The following CSMD1 variants were observed in gnomAD, a reference collection of about 807,000 sequenced individuals.
CSMD1 encodes the protein CUB and sushi domain-containing protein 1.
A neutral mutation model predicts 417.5 loss-of-function variants in CSMD1; 213 were observed. The ratio of observed to expected loss-of-function variants is 0.51; its 90% CI spans 0.46 to 0.57. The LOEUF (loss-of-function observed/expected upper bound fraction) is 0.57, where lower values mean the gene tolerates loss of function less well. Among genes scored for constraint, CSMD1 ranks in the 20% least tolerant of loss-of-function variants. The pLI is 0.00. For missense variants in CSMD1, 6,923 were observed against 4,529.7 expected (o/e 1.53, Z -15.17); for synonymous variants, 2,862 against 1,736.8 (o/e 1.65, Z -16.11).
At chr8:3,511,070 G>C (rs995731394) in intron 10 of CSMD1, among the ~76,000 whole-genome samples, 2 of 151,848 alleles carry the variant, frequency 1.3e-5, no homozygotes, top group African/African-American at 4.9e-5. Context: ...ATGACTTGAT[G>C]TCCTTTGCAG....
At chr8:4,490,076 CT>C in intron 2 of CSMD1, among the ~76,000 whole-genome samples, 1 of 140,886 alleles carries the variant, frequency 7.1e-6, no homozygotes, top group Admixed American at 7.4e-5. Flanking sequence ...GAGTCTTGCT[CT>C]GTCACCAGGC....
chr8:3,820,974 T>C (rs1010961521), intron 5 of CSMD1, among the ~76,000 whole-genome samples: 1 of 152,082 alleles, frequency 6.6e-6, no homozygotes, highest in Non-Finnish European at 1.5e-5. Context: ...TGGAGTGCAA[T>C]GGTGCAAACT....
rs1563111568 is a variant in CSMD1 at position 3,175,486 on chromosome 8, T to TGCCG, written c.5725+5623_5725+5624insCGGC. ...TCCTTCCTTCTTTTCCCTTCCTTCC[T>TGCCG]GCCTGCCTGCCTGCCTGCCTGCCTT... On this transcript the variant is annotated intron_variant, in intron 37 of 69. Transcript: ENST00000635120. 2.1e-4 allele frequency among the ~76,000 whole-genome samples: 19 copies of TGCCG among 91,350 alleles called. No individual in the cohort carries two copies. In the East Asian group the frequency reaches 7.9e-3, roughly 38 times the overall value. The allele number at this position is 91,350 out of a possible 152,430, so 59.9% of individuals were successfully genotyped here.
chr8:4,259,456 T>C (rs1383989270), intron 3 of CSMD1, among the ~76,000 whole-genome samples: 3 of 152,180 alleles, frequency 2.0e-5, no homozygotes, highest in Non-Finnish European at 4.4e-5. Context: ...GAAAATGCCT[T>C]AAGCTTTAGG....
intron 50 of CSMD1, among the ~76,000 whole-genome samples, chr8:3,039,194 T>A (rs1057237494): frequency 6.6e-6 from 1 of 150,828 alleles, no homozygotes; most frequent in Non-Finnish European, 1.5e-5. Flanking sequence ...TCCTGCAGAG[T>A]GAAGGGTCCT....
chr8:4,885,519 T>G (rs923511543), intron 1 of CSMD1, among the ~76,000 whole-genome samples: 8 of 152,056 alleles, frequency 5.3e-5, no homozygotes, highest in Admixed American at 3.9e-4. Context: ...TAATTCTTGT[T>G]TGTTGATTTT....
intron 3 of CSMD1, among the ~76,000 whole-genome samples, chr8:4,043,791 G>C (rs76739411): frequency 1.3e-5 from 2 of 152,034 alleles, no homozygotes; most frequent in Non-Finnish European, 2.9e-5. Flanking sequence ...TTTATATATG[G>C]TATTTCAAAC....
chr8:4,927,199 C>T (rs1806929558), intron 1 of CSMD1, among the ~76,000 whole-genome samples: 1 of 151,078 alleles, frequency 6.6e-6, no homozygotes, highest in Non-Finnish European at 1.5e-5. Context: ...CTCCACCTCC[C>T]ACGTTCAAGT....
At chr8:3,545,586 C>G (rs890451064) in intron 10 of CSMD1, among the ~76,000 whole-genome samples, 9 of 151,664 alleles carry the variant, frequency 5.9e-5, no homozygotes, top group Non-Finnish European at 8.8e-5. Flanking sequence ...ACCATGAAGG[C>G]TACTTATCAT....
At chr8:3,301,702 A>C (rs1804420287) in intron 25 of CSMD1, among the ~76,000 whole-genome samples, 1 of 152,140 alleles carries the variant, frequency 6.6e-6, no homozygotes, top group Non-Finnish European at 1.5e-5. Context: ...TACACCTGGA[A>C]AGCCGCACTA....
At chr8:4,008,091 T>C (rs992352340) in intron 4 of CSMD1, among the ~76,000 whole-genome samples, 1 of 152,178 alleles carries the variant, frequency 6.6e-6, no homozygotes, top group African/African-American at 2.4e-5. Flanking sequence ...TCTTTGTTTT[T>C]AAACTCACCA....
intron 7 of CSMD1, among the ~76,000 whole-genome samples, chr8:3,684,688 C>G (rs1799855906): frequency 6.6e-6 from 1 of 151,434 alleles, no homozygotes; most frequent in Admixed American, 6.6e-5. Flanking sequence ...AGCTCCGCCT[C>G]GCAGGTTCAC....
chr8:4,754,336 A>G (rs1811532651), intron 1 of CSMD1, among the ~76,000 whole-genome samples: 1 of 152,170 alleles, frequency 6.6e-6, no homozygotes. Flanking sequence ...TTCAACTTGA[A>G]ACCTTGTGTT....
intron 7 of CSMD1, among the ~76,000 whole-genome samples, chr8:3,650,362 A>G (rs1255106283): frequency 6.6e-6 from 1 of 152,198 alleles, no homozygotes; most frequent in East Asian, 1.9e-4. Flanking sequence ...ACCTTTACTT[A>G]CATGTGTTAC....
chr8:3,350,031 G>C (rs1305457460), intron 21 of CSMD1, among the ~76,000 whole-genome samples: 2 of 142,514 alleles, frequency 1.4e-5, no homozygotes, highest in African/African-American at 2.6e-5. Context: ...GTATGTGTGT[G>C]TTATAATACC....
chr8:4,896,745 A>G (rs1804508614), intron 1 of CSMD1, among the ~76,000 whole-genome samples: 2 of 152,064 alleles, frequency 1.3e-5, no homozygotes, highest in African/African-American at 4.8e-5. Context: ...TCCGATTCTA[A>G]GCAAGATTGA....
At chr8:4,132,573 T>G (rs537890062) in intron 3 of CSMD1, among the ~76,000 whole-genome samples, 34 of 152,334 alleles carry the variant, frequency 2.2e-4, no homozygotes, top group Admixed American at 9.1e-4. Context: ...CTTTGTGCTA[T>G]AGCATACATC....
chr8:3,118,022 G>C (rs540056129), intron 42 of CSMD1, among the ~76,000 whole-genome samples: 9 of 152,266 alleles, frequency 5.9e-5, no homozygotes, highest in Admixed American at 5.2e-4. Context: ...AAATTAATAA[G>C]TACCCTTTTT....
chr8:3,877,216 C>T (rs2975351), intron 5 of CSMD1, among the ~76,000 whole-genome samples: 1 of 152,014 alleles, frequency 6.6e-6, no homozygotes, highest in East Asian at 1.9e-4. Flanking sequence ...GGCTCAGCAC[C>T]CCACACTGCT....
Sources: gnomAD v4.1 joint callset for allele counts (sites outside exome capture counted in the v4.1 genomes callset) on GRCh38, gnomAD v4.1.1 for gene constraint, MANE v1.5 for transcripts, NCBI Gene and HGNC (gene_info 2026-07-23, HGNC 2026-07-21) for gene names.